The following THSD4 variants were observed in gnomAD, a reference collection of about 807,000 sequenced individuals.
THSD4 encodes the protein thrombospondin type-1 domain-containing protein 4.
In THSD4, 69 loss-of-function variants were observed where a neutral mutation model predicts 119.0. The observed-to-expected ratio is 0.58, with a 90% CI of 0.48 to 0.71. The LOEUF (loss-of-function observed/expected upper bound fraction) is 0.71, where lower values mean the gene tolerates loss of function less well. THSD4 is among the 30% of genes least tolerant of loss of function. The pLI, the probability that THSD4 is intolerant of heterozygous loss-of-function variation, is 0.00. For missense variants in THSD4, 1,393 were observed against 1,391.1 expected (o/e 1.00, Z -0.02); for synonymous variants, 524 against 540.4 (o/e 0.97, Z 0.42).
intron 7 of THSD4, among the ~76,000 whole-genome samples, chr15:71,657,822 G>A (rs564762644): frequency 6.6e-6 from 1 of 152,198 alleles, no homozygotes; most frequent in South Asian, 2.1e-4. Flanking sequence ...AGGAAATCTG[G>A]TGGGGGTGTG....
At chr15:71,702,614 G>A (rs540465282) in intron 8 of THSD4, among the ~76,000 whole-genome samples, 1 of 152,296 alleles carries the variant, frequency 6.6e-6, no homozygotes, top group South Asian at 2.1e-4. Flanking sequence ...GAGCCAACAT[G>A]ATTATGTCTC....
intron 6 of THSD4, among the ~76,000 whole-genome samples, chr15:71,315,584 G>A (rs548266007): frequency 3.9e-5 from 6 of 152,206 alleles, no homozygotes; most frequent in Non-Finnish European, 7.3e-5. Context: ...TCCAGGCTCC[G>A]CCTCCTTGAA....
chr15:71,492,395 G>T (rs984801917), intron 7 of THSD4, among the ~76,000 whole-genome samples: 6 of 152,090 alleles, frequency 3.9e-5, no homozygotes, highest in Admixed American at 6.6e-5. Context: ...CTCCCAAGCA[G>T]CTGGGACCAC....
At chr15:71,290,321 G>A (rs2044773136) in intron 6 of THSD4, among the ~76,000 whole-genome samples, 1 of 152,106 alleles carries the variant, frequency 6.6e-6, no homozygotes, top group Non-Finnish European at 1.5e-5. Context: ...ATTTTCCCCT[G>A]GAACCAGCTA....
intron 6 of THSD4, among the ~76,000 whole-genome samples, chr15:71,371,578 C>A (rs565122612): frequency 6.6e-6 from 1 of 152,142 alleles, no homozygotes; most frequent in Admixed American, 6.6e-5. Context: ...GTTGAAAATT[C>A]TTTTCTTTAA....
chr15:71,265,719 CTG>C (rs2044457255), intron 6 of THSD4, among the ~76,000 whole-genome samples: 1 of 152,206 alleles, frequency 6.6e-6, no homozygotes, highest in Non-Finnish European at 1.5e-5. Flanking sequence ...GAAATTCTCG[CTG>C]CGCGCACAGC....
At chr15:71,560,639 A>T (rs2049097731) in intron 7 of THSD4, among the ~76,000 whole-genome samples, 1 of 152,192 alleles carries the variant, frequency 6.6e-6, no homozygotes, top group Non-Finnish European at 1.5e-5. Context: ...CATTTGTGTT[A>T]TAAATATAGT....
chr15:71,391,450 A>G (rs1184097255), intron 6 of THSD4, among the ~76,000 whole-genome samples: 1 of 152,136 alleles, frequency 6.6e-6, no homozygotes, highest in African/African-American at 2.4e-5. Context: ...AAGGACTAAG[A>G]TTATAGGTGT....
At chr15:71,442,660 G>GTGTGTGTGTATGTATGTATATA in intron 7 of THSD4, among the ~76,000 whole-genome samples, 1 of 25,828 alleles carries the variant, frequency 3.9e-5, no homozygotes, top group Admixed American at 5.1e-4. Context: ...GTGTGTGTGT[G>GTGTGTGTGTATGTATGTATATA]TATATATATA....
At chr15:71,302,066 T>C (rs1370678834) in intron 6 of THSD4, among the ~76,000 whole-genome samples, 1 of 152,198 alleles carries the variant, frequency 6.6e-6, no homozygotes. Flanking sequence ...GGGATCTATT[T>C]CTAGAGACTG....
At chr15:71,280,291 C>G (rs986265965) in intron 6 of THSD4, among the ~76,000 whole-genome samples, 5 of 152,080 alleles carry the variant, frequency 3.3e-5, no homozygotes, top group Non-Finnish European at 7.4e-5. Context: ...TAGAGGGCCT[C>G]AAACAGGAGG....
At chr15:71,562,238 A>G (rs942728578) in intron 7 of THSD4, among the ~76,000 whole-genome samples, 2 of 152,154 alleles carry the variant, frequency 1.3e-5, no homozygotes, top group African/African-American at 2.4e-5. Context: ...TAAATCAGAT[A>G]CAGTTTAAAC....
chr15:71,451,424 A>G (rs556933235), intron 7 of THSD4, among the ~76,000 whole-genome samples: 1 of 152,292 alleles, frequency 6.6e-6, no homozygotes, highest in Admixed American at 6.5e-5. Flanking sequence ...GAGCAGATTC[A>G]TGACAATTGA....
chr15:71,780,833 A>T lies in THSD4; in HGVS notation c.*3459A>T. 2.2e-6 allele frequency: 1 copy of T among 455,980 alleles called. No homozygotes were observed. Among genetic ancestry groups the T allele is most frequent in the Non-Finnish European group, 4.4e-6 (1 of 226,736 alleles). The allele number at this position is 455,980 out of a possible 1,614,324, so 28.2% of individuals were successfully genotyped here. A position where few individuals can be genotyped will look rare whatever the true frequency, so the allele number is the denominator to read the frequency against. ...ATTCAACACTCTTTTTGCTTTAAAA[A>T]GAATGGCCTTACAAAGGGACAGAAA... is the stretch of plus-strand genomic sequence containing the variant. On this transcript the variant is annotated 3_prime_UTR_variant, in exon 18 of 18. Transcript: ENST00000261862.
At chr15:71,337,784 C>T (rs1303233202) in intron 6 of THSD4, among the ~76,000 whole-genome samples, 1 of 152,134 alleles carries the variant, frequency 6.6e-6, no homozygotes, top group African/African-American at 2.4e-5. Flanking sequence ...CGGAGACGTT[C>T]CCAGCAGGCT....
intron 7 of THSD4, among the ~76,000 whole-genome samples, chr15:71,642,771 A>G (rs2050887666): frequency 6.8e-6 from 1 of 148,094 alleles, no homozygotes; most frequent in Non-Finnish European, 1.5e-5. Context: ...GGACACAGGA[A>G]GGGGAACATC....
chr15:71,340,375 G>T (rs1309943064), intron 6 of THSD4, among the ~76,000 whole-genome samples: 1 of 152,158 alleles, frequency 6.6e-6, no homozygotes, highest in African/African-American at 2.4e-5. Context: ...ACTCTGAATG[G>T]GAGCTTAGAC....
intron 7 of THSD4, among the ~76,000 whole-genome samples, chr15:71,546,864 A>C (rs140689997): frequency 3.9e-5 from 6 of 152,340 alleles, no homozygotes; most frequent in African/African-American, 1.4e-4. Context: ...CCTTTGTATA[A>C]GTGAGAAAAA....
At chr15:71,171,196 G>T (rs912868001) in intron 3 of THSD4, among the ~76,000 whole-genome samples, 3 of 151,586 alleles carry the variant, frequency 2.0e-5, no homozygotes, top group African/African-American at 7.3e-5. Context: ...TGAACTCCAA[G>T]CACTAGAAGC....
Sources: gnomAD v4.1 joint callset for allele counts (sites outside exome capture counted in the v4.1 genomes callset) on GRCh38, gnomAD v4.1.1 for gene constraint, MANE v1.5 for transcripts, NCBI Gene and HGNC (gene_info 2026-07-23, HGNC 2026-07-21) for gene names.